The following DNAH17 variants were observed in gnomAD, a reference collection of about 807,000 sequenced individuals.
The protein encoded by DNAH17 is dynein axonemal heavy chain 17.
Under a neutral mutation model 485.6 loss-of-function variants are expected in DNAH17, and 376 were observed. The observed-to-expected ratio is 0.77, with a 90% CI of 0.71 to 0.84. The LOEUF (loss-of-function observed/expected upper bound fraction) is 0.84, where lower values mean the gene tolerates loss of function less well. DNAH17 is among the 40% of genes least tolerant of loss of function. The pLI, the probability that DNAH17 is intolerant of heterozygous loss-of-function variation, is 0.00. For synonymous variants in DNAH17, 3,031 were observed against 2,405.9 expected (o/e 1.26, Z -7.60); for missense variants, 6,370 against 5,839.3 (o/e 1.09, Z -2.96).
In DNAH17 at chr17:78,459,090, C is replaced by A; in HGVS notation, c.9772G>T (p.Val3258Leu). The change falls in exon 61 of 81, where the codon GTG becomes TTG. Residue 3258 changes from valine (V) to leucine (L), a missense_variant. Physicochemically the swap from Val to Leu is conservative, Grantham distance 32. Coordinates refer to ENST00000389840, the MANE Select transcript of DNAH17 (RefSeq NM_173628.4). The stretch of plus-strand genomic sequence containing the variant: ...TCCAGTGCCTGCCTCTTGGGCGCCA[C>A]GTCGCAGTAGACCTCGTAGAAGCGG... ...IVRFYEVYCD[V>L]APKRQALEEA... The A allele has an allele frequency of 6.2e-7, 1 of 1,614,042 alleles. No homozygotes were observed. The highest frequency in any genetic ancestry group is 1.1e-5 in the South Asian group (1 of 91,090).
chr17:78,491,669 G>A (rs1408759893), intron 42 of DNAH17, 99 bp from the exon 43 acceptor site: 2 of 1,485,810 alleles, frequency 1.3e-6, no homozygotes, highest in African/African-American at 1.4e-5. Flanking sequence ...GAGGGAGCCT[G>A]TCCCCTACTT....
chr17:78,428,794 GT>G, intron 76 of DNAH17, 87 bp from the exon 77 acceptor site: 1 of 1,474,486 alleles, frequency 6.8e-7, no homozygotes, highest in South Asian at 1.2e-5. Context: ...TTGCCAGAAC[GT>G]TCACCCACAC....
At chr17:78,448,737 T>C (rs1250346393) in intron 69 of DNAH17, among the ~76,000 whole-genome samples, 1 of 152,176 alleles carries the variant, frequency 6.6e-6, no homozygotes, top group Non-Finnish European at 1.5e-5. Context: ...CTTAATGTCA[T>C]GATCAAGGGA....
intron 58 of DNAH17, among the ~76,000 whole-genome samples, chr17:78,461,206 T>C (rs1309391666): frequency 6.6e-6 from 1 of 152,090 alleles, no homozygotes; most frequent in African/African-American, 2.4e-5. Context: ...CGCGGGCATT[T>C]CGTTACCATG....
chr17:78,535,963 C>CCA (rs2091362379), intron 19 of DNAH17, among the ~76,000 whole-genome samples: 1 of 152,106 alleles, frequency 6.6e-6, no homozygotes, highest in Admixed American at 6.6e-5. Flanking sequence ...GACAAACACA[C>CCA]CACCTCAAAC....
chr17:78,424,631 TCTCAAAATAAACAAAC>T (rs1568030002), intron 80 of DNAH17: 1 of 155,688 alleles, frequency 6.4e-6, no homozygotes, highest in Non-Finnish European at 1.4e-5. Context: ...CTGTCTGAAA[TCTCAAAATAAACAAAC>T]ATGGAGAGCT....
chr17:78,536,591 G>A (rs868663027), intron 19 of DNAH17, among the ~76,000 whole-genome samples: 1 of 152,146 alleles, frequency 6.6e-6, no homozygotes, highest in Non-Finnish European at 1.5e-5. Context: ...TGAGGCGGGA[G>A]GATCAATTGG....
intron 48 of DNAH17, 40 bp from the exon 49 acceptor site, chr17:78,480,826 T>A: frequency 6.8e-7 from 1 of 1,464,580 alleles, no homozygotes. Context: ...GCCCCTGGCC[T>A]GGAGGAACCA....
intron 20 of DNAH17, 49 bp from the exon 21 acceptor site, chr17:78,530,561 G>A (rs766375085): frequency 1.9e-6 from 3 of 1,564,066 alleles, no homozygotes; most frequent in East Asian, 2.3e-5. Flanking sequence ...AAGCCTAGGG[G>A]GGGCGTCAGC....
chr17:78,475,042 C>G (rs1173777089), intron 54 of DNAH17, among the ~76,000 whole-genome samples: 2 of 131,660 alleles, frequency 1.5e-5, no homozygotes, highest in Non-Finnish European at 3.2e-5. Flanking sequence ...AGACCCTTCA[C>G]CTCAGTCACA....
rs1249836394 is a variant in DNAH17, at chr17:78,525,153, C to A, written c.3720G>T (p.Lys1240Asn). 1 of 1,612,790 alleles carries A rather than the reference C, an allele frequency of 6.2e-7. No homozygotes were observed. Among genetic ancestry groups the A allele is most frequent in the Admixed American group, 1.7e-5 (1 of 60,024 alleles). Residue 1240 changes from lysine (K) to asparagine (N), a missense_variant, in exon 25 of 81, where the codon AAG (lysine) becomes AAT (asparagine). Physicochemically the swap from Lys to Asn is moderately conservative, Grantham distance 94. Coordinates refer to ENST00000389840, the MANE Select transcript of DNAH17 (RefSeq NM_173628.4). ...TGATGCCTTCCATGGCGGAGATGCT[C>A]TTTTGTTGCTAGGGGCGGCGAGGGG... ...NPYKSLNKQQ[K>N]SISAMEGIME...
chr17:78,466,406 C>T (rs2146555801), intron 56 of DNAH17, among the ~76,000 whole-genome samples: 1 of 152,070 alleles, frequency 6.6e-6, no homozygotes, highest in Middle Eastern at 3.4e-3. Flanking sequence ...CCAAGTCCCC[C>T]TCTGTGAGAA....
intron 48 of DNAH17, among the ~76,000 whole-genome samples, chr17:78,482,338 TC>T (rs34955437): frequency 2.2e-4 from 33 of 152,160 alleles, no homozygotes; most frequent in Admixed American, 1.0e-3. Flanking sequence ...TTTGTTTTTT[TC>T]CCCCATTATG....
rs369330532 is a variant in DNAH17, at chr17:78,484,947, T to G, written c.7570A>C (p.Met2524Leu). Reference sequence around the variant, plus strand: ...TACTTGTCCACCTCGGGCATGTTCATGTCGTCGATGAAGTAGACGAGCTTC... The same window carrying G: ...TACTTGTCCACCTCGGGCATGTTCAGGTCGTCGATGAAGTAGACGAGCTTC... ...TKKLVYFIDD[M>L]NMPEVDKYGT... The change falls in exon 48 of 81, where the codon ATG (methionine) becomes CTG (leucine). Residue 2524 changes from methionine to leucine, a missense_variant. Coordinates refer to ENST00000389840, the MANE Select transcript of DNAH17 (RefSeq NM_173628.4). 6.2e-7 allele frequency: 1 copy of G among 1,612,188 alleles called. No homozygotes were observed. Among genetic ancestry groups the G allele is most frequent in the East Asian group, 2.2e-5 (1 of 44,834 alleles).
chr17:78,513,688 G>A (rs1387657477), intron 26 of DNAH17, among the ~76,000 whole-genome samples: 4 of 152,254 alleles, frequency 2.6e-5, no homozygotes, highest in Admixed American at 1.3e-4. Context: ...CACCCACCTC[G>A]GCCTCCCAAG....
intron 16 of DNAH17, among the ~76,000 whole-genome samples, chr17:78,549,775 G>C (rs778076112): frequency 1.3e-5 from 2 of 152,154 alleles, no homozygotes; most frequent in Non-Finnish European, 2.9e-5. Flanking sequence ...TCTGCCTCCA[G>C]AGTGGGCCTC....
intron 19 of DNAH17, among the ~76,000 whole-genome samples, chr17:78,535,644 G>A (rs548125321): frequency 2.0e-5 from 3 of 152,162 alleles, no homozygotes; most frequent in African/African-American, 7.2e-5. Context: ...TTCAAACAAC[G>A]CAGAAATGCA....
chr17:78,439,016 G>A (rs540068220), intron 73 of DNAH17, 74 bp downstream of exon 73: 13 of 1,542,384 alleles, frequency 8.4e-6, no homozygotes, highest in East Asian at 2.3e-5. Flanking sequence ...GCTTCCTTCC[G>A]GGCCTTCTGG....
intron 17 of DNAH17, among the ~76,000 whole-genome samples, chr17:78,543,560 G>A (rs374813480): frequency 6.6e-6 from 1 of 152,244 alleles, no homozygotes. Flanking sequence ...AAAGTGCTGG[G>A]ATTACAGGCG....
Sources: allele counts gnomAD v4.1 joint callset (sites outside exome capture counted in the v4.1 genomes callset), GRCh38; gene constraint gnomAD v4.1.1; transcripts MANE v1.5; gene names NCBI Gene and HGNC (gene_info 2026-07-23, HGNC 2026-07-21).